The following NKAIN3 variants were observed in gnomAD, a reference collection of about 807,000 sequenced individuals.
NKAIN3 encodes the protein sodium/potassium-transporting ATPase subunit beta-1-interacting protein 3.
Under a neutral mutation model 30.2 loss-of-function variants are expected in NKAIN3, and 25 were observed. The ratio of observed to expected loss-of-function variants is 0.83; its 90% CI spans 0.60 to 1.16. NKAIN3 has a LOEUF of 1.16. Ranked by LOEUF, NKAIN3 falls within the 50% of genes most tolerant of loss-of-function variation. NKAIN3 has a pLI of 0.00. For missense variants in NKAIN3, 225 were observed against 254.1 expected (o/e 0.89, Z 0.78); for synonymous variants, 91 against 89.6 (o/e 1.02, Z -0.09).
rs144830983 is a variant in NKAIN3 at position 62,766,668 on chromosome 8, C to T, written c.471+19539C>T. ...AAGGGTAGGCTATTGAGCAAAAAAA[C>T]CTTATCCACTATGAGTGACAGGGCT... is the stretch of plus-strand genomic sequence containing the variant. On this transcript the variant is annotated intron_variant, in intron 4 of 6. Transcript: ENST00000623646. Among the ~76,000 whole-genome samples the T allele has an allele frequency of 5.2e-3, 796 of 152,122 alleles. 6 individuals carry two copies. The highest frequency in any genetic ancestry group is 0.018 in the African/African-American group (764 of 41,450).
At chr8:62,764,256 C>A (rs1449729029) in intron 4 of NKAIN3, among the ~76,000 whole-genome samples, 4 of 152,126 alleles carry the variant, frequency 2.6e-5, no homozygotes, top group Non-Finnish European at 4.4e-5. Context: ...CTTTGAAGTA[C>A]TATTTTGCAG....
At chr8:62,573,410 A>G (rs1810008639) in intron 1 of NKAIN3, among the ~76,000 whole-genome samples, 1 of 152,146 alleles carries the variant, frequency 6.6e-6, no homozygotes. Flanking sequence ...TGGTTTCTTC[A>G]ATATACATGA....
Position 62,972,287 on chromosome 8 carries a change from G to A in NKAIN3, c.*6880G>A, listed in dbSNP as rs1438293820. ...TTTCTTCAAGAACATAATATCGGCT[G>A]AAGTGGAATGAGTATTCAAATTGTC... On this transcript the variant is annotated 3_prime_UTR_variant, in exon 7 of 7. Coordinates refer to ENST00000623646, the MANE Select transcript of NKAIN3 (RefSeq NM_001304533.3). Among the ~76,000 whole-genome samples, 1 of 152,032 alleles carries A rather than the reference G, an allele frequency of 6.6e-6. No individual in the cohort carries two copies. The highest frequency in any genetic ancestry group is 2.4e-5 in the African/African-American group (1 of 41,382).
chr8:62,443,531 G>A (rs558234846), intron 1 of NKAIN3, among the ~76,000 whole-genome samples: 7 of 151,750 alleles, frequency 4.6e-5, no homozygotes, highest in African/African-American at 1.2e-4. Flanking sequence ...CTAGAGGTGC[G>A]AGCCACCATG....
intron 1 of NKAIN3, among the ~76,000 whole-genome samples, chr8:62,530,472 G>A (rs1808453922): frequency 6.6e-6 from 1 of 152,040 alleles, no homozygotes; most frequent in African/African-American, 2.4e-5. Flanking sequence ...TTGGTTCTTG[G>A]ATATGTGGGA....
intron 3 of NKAIN3, among the ~76,000 whole-genome samples, chr8:62,702,280 A>G (rs1461220027): frequency 6.6e-6 from 1 of 152,200 alleles, no homozygotes; most frequent in Non-Finnish European, 1.5e-5. Flanking sequence ...TTTGACATAA[A>G]TATACAACTT....
At chr8:62,851,441 C>G (rs1345670439) in intron 4 of NKAIN3, among the ~76,000 whole-genome samples, 3 of 152,082 alleles carry the variant, frequency 2.0e-5, no homozygotes, top group African/African-American at 7.2e-5. Flanking sequence ...AATTGAATAC[C>G]CTTTATTTCC....
intron 5 of NKAIN3, among the ~76,000 whole-genome samples, chr8:62,922,027 G>C (rs950955317): frequency 4.6e-5 from 7 of 152,130 alleles, no homozygotes; most frequent in African/African-American, 1.7e-4. Context: ...AGGCTAGTCT[G>C]GGTTGTATAT....
chr8:62,429,341 T>C (rs917532377), intron 1 of NKAIN3, among the ~76,000 whole-genome samples: 8 of 151,968 alleles, frequency 5.3e-5, no homozygotes, highest in African/African-American at 1.9e-4. Flanking sequence ...TATCAAATGC[T>C]CTTTCTAGAA....
chr8:62,851,175 C>T (rs1819883712), intron 4 of NKAIN3, among the ~76,000 whole-genome samples: 1 of 152,048 alleles, frequency 6.6e-6, no homozygotes, highest in Non-Finnish European at 1.5e-5. Context: ...CCTTCACATC[C>T]CTTGTAAGTT....
At chr8:62,527,622 T>C (rs1267545052) in intron 1 of NKAIN3, among the ~76,000 whole-genome samples, 35 of 152,304 alleles carry the variant, frequency 2.3e-4, no homozygotes, top group East Asian at 1.9e-4. Flanking sequence ...ATTTGAAATA[T>C]AAAGAATGTT....
intron 3 of NKAIN3, among the ~76,000 whole-genome samples, chr8:62,743,906 G>A (rs753533874): frequency 6.6e-6 from 1 of 152,158 alleles, no homozygotes; most frequent in Non-Finnish European, 1.5e-5. Flanking sequence ...TGGAGTAACA[G>A]TCTTATGTCT....
intron 1 of NKAIN3, among the ~76,000 whole-genome samples, chr8:62,407,440 C>T (rs1246782850): frequency 2.6e-5 from 3 of 114,228 alleles, no homozygotes; most frequent in African/African-American, 6.8e-5. Context: ...CTCGTGTCAC[C>T]GGGCTGGAGT....
intron 4 of NKAIN3, among the ~76,000 whole-genome samples, chr8:62,776,690 T>G (rs915268290): frequency 1.3e-5 from 2 of 152,178 alleles, no homozygotes; most frequent in Admixed American, 6.6e-5. Flanking sequence ...CTTATTATTT[T>G]TGATCAGTTC....
intron 3 of NKAIN3, among the ~76,000 whole-genome samples, chr8:62,633,036 G>A (rs1812015996): frequency 1.3e-5 from 2 of 152,082 alleles, no homozygotes; most frequent in African/African-American, 4.8e-5. Context: ...TTTTGGGTGT[G>A]TAGAGGCCGT....
chr8:62,624,428 C>G (rs908013080), intron 3 of NKAIN3, among the ~76,000 whole-genome samples: 4 of 151,396 alleles, frequency 2.6e-5, no homozygotes, highest in African/African-American at 9.7e-5. Flanking sequence ...ACTCTACTCT[C>G]TCTTTTTTAC....
At chr8:62,306,778 G>A (rs1274396370) in intron 1 of NKAIN3, among the ~76,000 whole-genome samples, 7 of 149,638 alleles carry the variant, frequency 4.7e-5, no homozygotes, top group Admixed American at 1.3e-4. Context: ...GAGCAGATAT[G>A]TACCTCAAAC....
chr8:62,404,665 T>C (rs1327577717), intron 1 of NKAIN3, among the ~76,000 whole-genome samples: 46 of 152,118 alleles, frequency 3.0e-4, no homozygotes, highest in Non-Finnish European at 1.5e-5. Flanking sequence ...CATAAGTCAA[T>C]TAAACTTCTT....
chr8:62,626,758 C>T lies in NKAIN3; in HGVS notation c.273+36964C>T, dbSNP rs969196072. Among the ~76,000 whole-genome samples, 3 of 151,966 alleles carry T rather than the reference C, an allele frequency of 2.0e-5. No individual in the cohort carries two copies. The South Asian group carries it at 6.2e-4, about 32-fold the overall frequency. On this transcript the variant is annotated intron_variant, in intron 3 of 6. Transcript: ENST00000623646. The stretch of plus-strand genomic sequence containing the variant: ...ATATGTAAAGTGTGGAAAATAGTAC[C>T]CAGCACACCTTAAACGAAACAGCAA...
Sources: gnomAD v4.1 joint callset for allele counts (sites outside exome capture counted in the v4.1 genomes callset) on GRCh38, gnomAD v4.1.1 for gene constraint, MANE v1.5 for transcripts, NCBI Gene and HGNC (gene_info 2026-07-23, HGNC 2026-07-21) for gene names.